The following POP1 variants were observed in gnomAD, a reference collection of about 807,000 sequenced individuals.
The protein encoded by POP1 is ribonucleases P/MRP protein subunit POP1.
A neutral mutation model predicts 102.2 loss-of-function variants in POP1; 75 were observed. The ratio of observed to expected loss-of-function variants is 0.73; its 90% CI spans 0.61 to 0.89. The LOEUF (loss-of-function observed/expected upper bound fraction) is 0.89, where lower values mean the gene tolerates loss of function less well. Ranked by LOEUF, POP1 falls within the 40% of genes least tolerant of loss-of-function variation. The pLI is 0.00. For missense variants in POP1, 1,116 were observed against 1,267.4 expected (o/e 0.88, Z 1.81); for synonymous variants, 436 against 464.1 (o/e 0.94, Z 0.78).
Position 98,156,278 on chromosome 8 carries a change from C to T in POP1, c.2286C>T (p.Ser762=). 2 of 1,614,154 alleles carry T rather than the reference C, an allele frequency of 1.2e-6. No homozygotes were observed. The highest frequency in any genetic ancestry group is 1.7e-6 in the Non-Finnish European group (2 of 1,180,028). Residue 762 remains serine, a synonymous_variant, in exon 15 of 16, where the codon TCC becomes TCT. Coordinates refer to ENST00000401707, the MANE Select transcript of POP1 (RefSeq NM_001145860.2). ...AGCCATCTGATGAAGTGGGCACATC[C>T]ATAGAGCACCCCAGGGAGGCAGAGG... ...THQPSDEVGT[S]IEHPREAEEV...
At chr8:98,126,972 A>T (rs1490917761) in intron 2 of POP1, among the ~76,000 whole-genome samples, 1 of 152,198 alleles carries the variant, frequency 6.6e-6, no homozygotes, top group Non-Finnish European at 1.5e-5. Flanking sequence ...TGGGTAGCTT[A>T]TAAATAACAA....
At chr8:98,145,039 C>G (rs1291315217) in intron 11 of POP1, among the ~76,000 whole-genome samples, 1 of 152,052 alleles carries the variant, frequency 6.6e-6, no homozygotes, top group African/African-American at 2.4e-5. Context: ...AGGCACACAC[C>G]ACCACAACCA....
intron 11 of POP1, among the ~76,000 whole-genome samples, chr8:98,143,081 A>G (rs1816749995): frequency 6.6e-6 from 1 of 152,246 alleles, no homozygotes; most frequent in Non-Finnish European, 1.5e-5. Flanking sequence ...ACATTTAAGA[A>G]AGGAGAAAGC....
rs758286949 is a variant in POP1, at chr8:98,140,850, A to G, written c.1556A>G (p.Lys519Arg). 3 of 1,614,090 alleles carry G rather than the reference A, an allele frequency of 1.9e-6. No homozygotes were observed. The highest frequency in any genetic ancestry group is 2.5e-6 in the Non-Finnish European group (3 of 1,179,930). The change falls in exon 11 of 16, where the codon AAG becomes AGG. Residue 519 changes from lysine (K) to arginine (R), a missense_variant. Physicochemically the swap from Lys to Arg is conservative, Grantham distance 26. Transcript: ENST00000401707. Reference protein sequence around the residue: ...VGDPRINLPQKKSKALPNPEK... With the variant: ...VGDPRINLPQRKSKALPNPEK... ...GATCCTCGAATAAATTTGCCCCAAA[A>G]GAAGTCCAAAGCTTTGCCCAATCCA...
intron 5 of POP1, 121 bp downstream of exon 5, chr8:98,130,347 C>A: frequency 7.0e-7 from 1 of 1,438,716 alleles, no homozygotes; most frequent in Non-Finnish European, 9.6e-7. Context: ...AAAAATAATT[C>A]CTGAGCATGA....
At chr8:98,143,617 AC>A (rs1332271896) in intron 11 of POP1, among the ~76,000 whole-genome samples, 4 of 152,140 alleles carry the variant, frequency 2.6e-5, no homozygotes, top group African/African-American at 4.8e-5. Flanking sequence ...ATATACTCTT[AC>A]CGATTTTGAC....
chr8:98,149,081 TC>T, intron 13 of POP1, 75 bp downstream of exon 13: 2 of 1,389,166 alleles, frequency 1.4e-6, no homozygotes, highest in Non-Finnish European at 2.0e-6. Context: ...CTCAAAATGT[TC>T]CAGACTTTAT....
At chr8:98,131,529 C>A (rs1444906985) in intron 5 of POP1, among the ~76,000 whole-genome samples, 2 of 152,162 alleles carry the variant, frequency 1.3e-5, no homozygotes, top group Non-Finnish European at 2.9e-5. Context: ...TTACTTCCAC[C>A]TTTTGGCTAT....
At chr8:98,134,376 C>T (rs1160153320) in intron 6 of POP1, 96 bp from the exon 7 acceptor site, 3 of 1,299,164 alleles carry the variant, frequency 2.3e-6, no homozygotes, top group African/African-American at 2.9e-5. Flanking sequence ...CTTCACCTCT[C>T]ATGGAGGCAG....
At position 98,148,935 on chromosome 8, in the gene POP1, C is replaced by A. The variant is rs1433251422; in HGVS notation, c.1831C>A (p.Arg611=). Residue 611 remains arginine (R), a synonymous_variant, in exon 13 of 16, where the codon CGA becomes AGA. Transcript: ENST00000401707. ...QQPGKVTGED[R]LGWGSGWDVL... ...GCCAGGAAAAGTGACTGGTGAAGAT[C>A]GACTAGGCTGGGGAAGTGGCTGGGA... The A allele has an allele frequency of 6.2e-7, 1 of 1,613,820 alleles. No individual in the cohort carries two copies. The highest frequency in any genetic ancestry group is 2.2e-5 in the East Asian group (1 of 44,884).
At chr8:98,122,596 A>G (rs930419337) in intron 1 of POP1, among the ~76,000 whole-genome samples, 2 of 152,136 alleles carry the variant, frequency 1.3e-5, no homozygotes, top group African/African-American at 4.8e-5. Flanking sequence ...GGATGTTATT[A>G]TTCCCTGGGT....
Position 98,138,508 on chromosome 8 carries a change from C to T in POP1, c.1362+1554C>T, listed in dbSNP as rs80202637. 5.8e-3 allele frequency among the ~76,000 whole-genome samples: 884 copies of T among 152,338 alleles called. 6 individuals are homozygous for T. Among genetic ancestry groups the T allele is most frequent in the African/African-American group, 0.02 (835 of 41,568 alleles). On this transcript the variant is annotated intron_variant, in intron 9 of 15. Transcript: ENST00000401707. The stretch of plus-strand genomic sequence containing the variant: ...CTAGCATTTCCCTCTAGCATCCTTT[C>T]CTGATCCCCCAAGTTAAACTAGATC...
chr8:98,125,961 T>C (rs1563771050), intron 2 of POP1, among the ~76,000 whole-genome samples: 1 of 151,848 alleles, frequency 6.6e-6, no homozygotes, highest in Non-Finnish European at 1.5e-5. Flanking sequence ...TCCTCCCACC[T>C]CAGCTTCCCG....
At position 98,140,861 on chromosome 8, in the gene POP1, G is replaced by A. The variant is rs748755480; in HGVS notation, c.1567G>A (p.Ala523Thr). Residue 523 changes from alanine to threonine, a missense_variant, in exon 11 of 16, where the codon GCT becomes ACT. Ala to Thr is a moderately conservative substitution (Grantham distance 58). Coordinates refer to ENST00000401707, the MANE Select transcript of POP1 (RefSeq NM_001145860.2). ...RINLPQKKSK[A>T]LPNPEKCQDN... ...AAATTTGCCCCAAAAGAAGTCCAAA[G>A]CTTTGCCCAATCCAGAAAAATGCCA... 17 of 1,613,908 alleles carry A rather than the reference G, an allele frequency of 1.1e-5. No homozygotes were observed. The highest frequency in any genetic ancestry group is 1.4e-5 in the Non-Finnish European group (17 of 1,179,908).
At chr8:98,130,451 T>G (rs1272272777) in intron 5 of POP1, among the ~76,000 whole-genome samples, 2 of 152,168 alleles carry the variant, frequency 1.3e-5, no homozygotes, top group African/African-American at 4.8e-5. Flanking sequence ...TATGTGGTTG[T>G]AAGGGAAAAG....
chr8:98,136,420 A>T, intron 7 of POP1, 62 bp from the exon 8 acceptor site: 1 of 1,513,100 alleles, frequency 6.6e-7, no homozygotes, highest in South Asian at 1.2e-5. Context: ...AAACCCAACT[A>T]AATTTGTCGT....
chr8:98,119,865 C>T (rs1394358150), intron 1 of POP1, among the ~76,000 whole-genome samples: 4 of 152,324 alleles, frequency 2.6e-5, no homozygotes, highest in Non-Finnish European at 1.5e-5. Flanking sequence ...TGAACCACCA[C>T]ACCAGGCCTC....
At chr8:98,120,577 T>G (rs1410541526) in intron 1 of POP1, among the ~76,000 whole-genome samples, 1 of 151,974 alleles carries the variant, frequency 6.6e-6, no homozygotes, top group Non-Finnish European at 1.5e-5. Context: ...GTTCAAAGGA[T>G]TCTCGTGCCT....
chr8:98,140,047 C>T (rs374033869), intron 9 of POP1, 31 bp from the exon 10 acceptor site: 36 of 1,525,256 alleles, frequency 2.4e-5, no homozygotes, highest in African/African-American at 1.1e-4. Flanking sequence ...ATTCATTGTT[C>T]GTCCAGTGAA....
Sources: allele counts gnomAD v4.1 joint callset (sites outside exome capture counted in the v4.1 genomes callset), GRCh38; gene constraint gnomAD v4.1.1; transcripts MANE v1.5; gene names NCBI Gene and HGNC (gene_info 2026-07-23, HGNC 2026-07-21).